Variants in SDK2 observed in about 807,000 individuals in gnomAD.
SDK2 encodes protein sidekick-2.
Under a neutral mutation model 253.9 loss-of-function variants are expected in SDK2, and 105 were observed. The ratio of observed to expected loss-of-function variants is 0.41; its 90% CI spans 0.35 to 0.49. The LOEUF (loss-of-function observed/expected upper bound fraction) is 0.49, where lower values mean the gene tolerates loss of function less well. Ranked by LOEUF, SDK2 falls within the 20% of genes least tolerant of loss-of-function variation. The pLI, the probability that SDK2 is intolerant of heterozygous loss-of-function variation, is 0.06. For missense variants in SDK2, 2,608 were observed against 3,003.0 expected (o/e 0.87, Z 3.07); for synonymous variants, 1,249 against 1,234.9 (o/e 1.01, Z -0.24).
intron 2 of SDK2, among the ~76,000 whole-genome samples, chr17:73,479,720 TC>T (rs1766296592): frequency 6.6e-6 from 1 of 152,244 alleles, no homozygotes; most frequent in Non-Finnish European, 1.5e-5. Flanking sequence ...AGACAGAGTC[TC>T]GCTCTGTCAC....
Position 73,390,338 on chromosome 17 carries a change from T to C in SDK2, c.4141A>G (p.Lys1381Glu), listed in dbSNP as rs1302873867. The change falls in exon 29 of 45, where the codon AAG becomes GAG. Residue 1381 changes from lysine to glutamate, a missense_variant. Transcript: ENST00000392650. The part of the protein sequence containing the change: ...YLFRITAQTR[K>E]GWGEAAEALV... ...GCCTCGGCAGCTTCTCCCCAGCCCT[T>C]GCGGGTCTGGGCCGTGATGCGGAAC... is the stretch of plus-strand genomic sequence containing the variant. The C allele has an allele frequency of 1.5e-5, 24 of 1,607,726 alleles. No homozygotes were observed. The East Asian group carries it at 2.2e-4, about 15-fold the overall frequency.
At position 73,431,457 on chromosome 17, in the gene SDK2, C is replaced by T. The variant is rs1292942377; in HGVS notation, c.1480+45G>A. The stretch of plus-strand genomic sequence containing the variant: ...TCCTCAGCACCTACAGGGATGTACA[C>T]ACGCACACACAAATGTATAAAGCCC... On this transcript the variant is annotated intron_variant, in intron 11 of 44. Coordinates refer to ENST00000392650, the MANE Select transcript of SDK2 (RefSeq NM_001144952.2). The surrounding 1 kb of genome is among the most constrained non-coding windows in gnomAD (Gnocchi z 5.6). 1 of 1,569,072 alleles carries T rather than the reference C, an allele frequency of 6.4e-7. No individual in the cohort carries two copies. The highest frequency in any genetic ancestry group is 1.2e-5 in the South Asian group (1 of 85,418).
chr17:73,537,256 T>G (rs1685884895), intron 1 of SDK2, among the ~76,000 whole-genome samples: 1 of 152,118 alleles, frequency 6.6e-6, no homozygotes. Flanking sequence ...CCTGCCCTGC[T>G]CGCCTTGCCC....
Position 73,394,337 on chromosome 17 carries a change from G to C in SDK2, c.3593-13C>G. On this transcript the variant is annotated splice_polypyrimidine_tract_variant and intron_variant, in intron 25 of 44. Transcript: ENST00000392650. ...CCGGAAGAGGGAACTGTGGGGGAAAGGGAGTGGAGAGAAGGCACTCAGGAC... is the reference window on the plus strand; with the variant it reads ...CCGGAAGAGGGAACTGTGGGGGAAACGGAGTGGAGAGAAGGCACTCAGGAC... 6.5e-7 allele frequency: 1 copy of C among 1,543,164 alleles called. No individual in the cohort carries two copies. The highest frequency in any genetic ancestry group is 1.2e-5 in the South Asian group (1 of 80,840).
chr17:73,401,805 GACC>G, intron 19 of SDK2, 53 bp from the exon 20 acceptor site: 1 of 1,496,460 alleles, frequency 6.7e-7, no homozygotes, highest in South Asian at 1.2e-5. Context: ...GCCAGAGAGA[GACC>G]ACCATCTGTG....
intron 1 of SDK2, among the ~76,000 whole-genome samples, chr17:73,524,341 T>C (rs1898292080): frequency 6.6e-6 from 1 of 152,190 alleles, no homozygotes; most frequent in Admixed American, 6.5e-5. Flanking sequence ...GAGACCAACA[T>C]GGCCCCCGCC....
chr17:73,486,739 G>A (rs890540406), intron 2 of SDK2, among the ~76,000 whole-genome samples: 11 of 152,114 alleles, frequency 7.2e-5, no homozygotes, highest in Admixed American at 7.2e-4. Flanking sequence ...AGGCCTGGTA[G>A]GGCAGAGTTA....
At chr17:73,567,188 C>T (rs1260892786) in intron 1 of SDK2, among the ~76,000 whole-genome samples, 1 of 152,230 alleles carries the variant, frequency 6.6e-6, no homozygotes, top group Non-Finnish European at 1.5e-5. Context: ...TCCCTGCATC[C>T]CTGGCTGCTT....
Position 73,430,564 on chromosome 17 carries a change from G to A in SDK2, c.1530C>T (p.Gly510=), listed in dbSNP as rs1180444956. 6.2e-7 allele frequency: 1 copy of A among 1,601,012 alleles called. No individual in the cohort carries two copies. The highest frequency in any genetic ancestry group is 1.3e-5 in the African/African-American group (1 of 74,286). ...CTCCGCACACCATGGAGGCCTGGGT[G>A]CCCTTGATGACACTCTGATCCTGGG... ...KPPQDQSVIK[G]TQASMVCGVT... Residue 510 remains glycine, a synonymous_variant, in exon 12 of 45, where the codon GGC becomes GGT. Coordinates refer to ENST00000392650, the MANE Select transcript of SDK2 (RefSeq NM_001144952.2).
In SDK2 at chr17:73,435,579, G is replaced by A. The variant is rs770608827; in HGVS notation, c.1066C>T (p.Arg356Cys). 2.0e-5 allele frequency: 31 copies of A among 1,582,382 alleles called. No homozygotes were observed. Among genetic ancestry groups the A allele is most frequent in the African/African-American group, 2.7e-5 (2 of 74,112 alleles). ...AAVVEVEKLT[R>C]FRQRNDGGLQ... ...CCCCCGTCGTTGCGCTGCCGGAAGC[G>A]GGTCAACTTCTCCACCTCCACCACG... Residue 356 changes from arginine (R) to cysteine (C), a missense_variant, in exon 9 of 45, where the codon CGC (arginine) becomes TGC (cysteine). Transcript: ENST00000392650. The surrounding 1 kb of genome is among the most constrained non-coding windows in gnomAD (Gnocchi z 5.7).
intron 1 of SDK2, among the ~76,000 whole-genome samples, chr17:73,621,193 T>G (rs973550276): frequency 1.3e-5 from 2 of 152,322 alleles, no homozygotes; most frequent in South Asian, 2.1e-4. Context: ...CTGAACTATA[T>G]GTACTCAGGG....
chr17:73,386,617 G>A, intron 30 of SDK2, 69 bp from the exon 31 acceptor site: 1 of 1,057,574 alleles, frequency 9.5e-7, no homozygotes, highest in African/African-American at 1.6e-5. Context: ...CTCCCACCAA[G>A]GAGTCTCCCT....
intron 16 of SDK2, among the ~76,000 whole-genome samples, chr17:73,416,199 A>ATTTTTTTTTT (rs55713710): frequency 0.016 from 1,967 of 120,190 alleles, 133 homozygotes; most frequent in East Asian, 0.049. Flanking sequence ...AATGAATTCA[A>ATTTTTTTTTT]TTTTTTTTTT....
At chr17:73,620,812 A>T (rs2046123545) in intron 1 of SDK2, among the ~76,000 whole-genome samples, 1 of 152,238 alleles carries the variant, frequency 6.6e-6, no homozygotes. Context: ...CAGAATAGGT[A>T]AATCCACAGA....
chr17:73,358,012 G>A (rs1404965102), intron 40 of SDK2, 67 bp downstream of exon 40: 13 of 1,606,288 alleles, frequency 8.1e-6, no homozygotes, highest in Non-Finnish European at 1.1e-5. Context: ...AGTGCCCCAA[G>A]TGGAGGGACC....
intron 2 of SDK2, among the ~76,000 whole-genome samples, chr17:73,476,928 C>T (rs73349722): frequency 0.12 from 18,408 of 152,220 alleles, 1,625 homozygotes; most frequent in African/African-American, 0.24. Context: ...CAACCTCTCT[C>T]CCGCTCCTCC....
chr17:73,453,374 T>TG (rs1467782572), intron 4 of SDK2, among the ~76,000 whole-genome samples: 8 of 149,050 alleles, frequency 5.4e-5, no homozygotes, highest in Admixed American at 4.0e-4. Context: ...GCTGGGGTTT[T>TG]TTTTTTTTTT....
At chr17:73,471,836 C>A (rs937095691) in intron 3 of SDK2, among the ~76,000 whole-genome samples, 8 of 152,290 alleles carry the variant, frequency 5.3e-5, no homozygotes, top group African/African-American at 1.9e-4. Context: ...TGAAAAGCAC[C>A]AGGGAGCTCT....
chr17:73,448,456 C>T (rs2063468471), intron 4 of SDK2, among the ~76,000 whole-genome samples: 1 of 152,056 alleles, frequency 6.6e-6, no homozygotes. Flanking sequence ...CCTCTGCCTC[C>T]CGGGTTCAAG....
Sources: gnomAD v4.1 joint callset for allele counts (sites outside exome capture counted in the v4.1 genomes callset) on GRCh38, gnomAD v4.1.1 for gene constraint, Gnocchi (gnomAD v3.1) non-coding constraint, MANE v1.5 for transcripts, NCBI Gene and HGNC (gene_info 2026-07-23, HGNC 2026-07-21) for gene names.